The following PBX4 variants were observed in gnomAD, a reference collection of about 807,000 sequenced individuals.
The protein encoded by PBX4 is pre-B-cell leukemia transcription factor 4.
PBX4 carries 26 observed loss-of-function variants against 35.1 expected under a neutral mutation model. The ratio of observed to expected loss-of-function variants is 0.74; its 90% CI spans 0.54 to 1.03. The LOEUF (loss-of-function observed/expected upper bound fraction) is 1.03, where lower values mean the gene tolerates loss of function less well. Ranked by LOEUF, PBX4 falls within the 50% of genes least tolerant of loss-of-function variation. The pLI is 0.00. For synonymous variants in PBX4, 199 were observed against 204.2 expected, an observed-to-expected ratio of 0.97 and a Z score of 0.22; for missense variants, 448 against 504.3, an observed-to-expected ratio of 0.89 and a Z score of 1.07.
At chr19:19,566,505 G>T (rs1268116398) in intron 5 of PBX4, among the ~76,000 whole-genome samples, 1 of 152,106 alleles carries the variant, frequency 6.6e-6, no homozygotes, top group Non-Finnish European at 1.5e-5. Context: ...AACAGCTGAG[G>T]GATGGAAGAG....
intron 2 of PBX4, among the ~76,000 whole-genome samples, chr19:19,577,417 A>G (rs1453480718): frequency 6.6e-6 from 1 of 152,182 alleles, no homozygotes; most frequent in African/African-American, 2.4e-5. Context: ...CAGGAGGCAC[A>G]GTGTTTGTAA....
chr19:19,579,095 A>T (rs2061437781), intron 2 of PBX4, among the ~76,000 whole-genome samples: 2 of 152,170 alleles, frequency 1.3e-5, no homozygotes, highest in African/African-American at 4.8e-5. Context: ...TCATACCTGT[A>T]ATCCCAGCAC....
chr19:19,569,637 C>A (rs1319612872), intron 4 of PBX4, 53 bp from the exon 5 acceptor site: 1 of 1,587,630 alleles, frequency 6.3e-7, no homozygotes, highest in South Asian at 1.1e-5. Flanking sequence ...TCCAGTACCA[C>A]CCCCACCTCT....
chr19:19,607,244 G>C (rs1013803072), intron 1 of PBX4, among the ~76,000 whole-genome samples: 3 of 152,008 alleles, frequency 2.0e-5, no homozygotes, highest in Non-Finnish European at 4.4e-5. Flanking sequence ...AGTAAAGGCG[G>C]GGTTTCATCA....
chr19:19,570,292 C>A lies in PBX4; in HGVS notation c.449G>T (p.Arg150Leu), dbSNP rs1369505191. The change falls in exon 4 of 8, where the codon CGT becomes CTT. Residue 150 changes from arginine to leucine, a missense_variant. Transcript: ENST00000251203. The part of the protein sequence containing the change: ...SELEKYEQAC[R>L]EFTTHVTNLL... Reference sequence around the variant, plus strand: ...GTTGGTGACGTGCGTGGTGAACTCACGACAGGCCTGGGGTGGGAGCACAGA... The same window carrying A: ...GTTGGTGACGTGCGTGGTGAACTCAAGACAGGCCTGGGGTGGGAGCACAGA... 6.2e-7 allele frequency: 1 copy of A among 1,603,886 alleles called. No individual in the cohort carries two copies. Among genetic ancestry groups the A allele is most frequent in the Non-Finnish European group, 8.5e-7 (1 of 1,173,518 alleles).
chr19:19,570,391 C>G, intron 3 of PBX4, 92 bp from the exon 4 acceptor site: 1 of 1,467,818 alleles, frequency 6.8e-7, no homozygotes, highest in Non-Finnish European at 9.2e-7. Flanking sequence ...GCCTGCCACC[C>G]CCTGTAGTTC....
At chr19:19,601,603 T>TG (rs1209804834) in intron 1 of PBX4, among the ~76,000 whole-genome samples, 9 of 152,214 alleles carry the variant, frequency 5.9e-5, no homozygotes, top group Non-Finnish European at 8.8e-5. Flanking sequence ...CCGGATTATC[T>TG]GGGGGGGCCT....
chr19:19,612,218 A>G (rs1211574554), intron 1 of PBX4, among the ~76,000 whole-genome samples: 1 of 152,156 alleles, frequency 6.6e-6, no homozygotes, highest in Non-Finnish European at 1.5e-5. Flanking sequence ...CGAGGGTTGC[A>G]GTGAACTGAG....
chr19:19,571,569 C>A (rs1050297273), intron 2 of PBX4, among the ~76,000 whole-genome samples: 3 of 152,128 alleles, frequency 2.0e-5, no homozygotes, highest in Non-Finnish European at 2.9e-5. Flanking sequence ...AGGTCAGCTA[C>A]AGGGCAGTCA....
chr19:19,563,965 G>A lies in PBX4; in HGVS notation c.926-350C>T, dbSNP rs1390823050. Reference sequence around the variant, plus strand: ...TGGGACTACAGGCGCCCACCACCACGCCCAGATAATTTGTTTTTTCTTTCT... The same window carrying A: ...TGGGACTACAGGCGCCCACCACCACACCCAGATAATTTGTTTTTTCTTTCT... On this transcript the variant is annotated intron_variant, in intron 6 of 7. Transcript: ENST00000251203. This position sits in a 1 kb window ranked among gnomAD's most constrained non-coding sequence, Gnocchi z 5.1. The A allele has an allele frequency of 4.1e-5, 8 of 192,900 alleles. No homozygotes were observed. The highest frequency in any genetic ancestry group is 9.0e-5 in the South Asian group (1 of 11,074). The allele number at this position is 192,900 out of a possible 1,614,324, so 11.9% of individuals were successfully genotyped here.
chr19:19,605,446 T>TAATAATAATAATAATAAC (rs777835008), intron 1 of PBX4, among the ~76,000 whole-genome samples: 21 of 99,976 alleles, frequency 2.1e-4, no homozygotes, highest in Admixed American at 7.5e-4. Flanking sequence ...ATAATAATAA[T>TAATAATAATAATAATAAC]AACAATAATA....
At chr19:19,608,841 T>C (rs1404213553) in intron 1 of PBX4, among the ~76,000 whole-genome samples, 1 of 152,142 alleles carries the variant, frequency 6.6e-6, no homozygotes, top group Non-Finnish European at 1.5e-5. Context: ...CAAGCTCTAG[T>C]CTTGCTGAAG....
At chr19:19,581,652 G>A (rs2061454686) in intron 2 of PBX4, among the ~76,000 whole-genome samples, 1 of 152,158 alleles carries the variant, frequency 6.6e-6, no homozygotes, top group Non-Finnish European at 1.5e-5. Context: ...GGGAGACAAA[G>A]GCCACGCTGC....
chr19:19,565,937 T>C (rs909513971), intron 5 of PBX4, among the ~76,000 whole-genome samples: 2 of 150,898 alleles, frequency 1.3e-5, no homozygotes, highest in African/African-American at 4.9e-5. Flanking sequence ...ATATTTTTTC[T>C]TTTTTTTTAG....
chr19:19,575,928 C>A (rs2144725194), intron 2 of PBX4, among the ~76,000 whole-genome samples: 1 of 152,270 alleles, frequency 6.6e-6, no homozygotes, highest in South Asian at 2.1e-4. Context: ...GCTCTGACAG[C>A]CGGGGTGAGG....
chr19:19,599,394 G>A (rs375344085), intron 1 of PBX4, 29 bp from the exon 2 acceptor site: 34 of 1,580,346 alleles, frequency 2.2e-5, no homozygotes, highest in Non-Finnish European at 3.0e-5. Context: ...AGGAGGGTGT[G>A]AGAAAAGAAT....
In PBX4 at chr19:19,561,849, T is replaced by G. The variant is rs2061307940; in HGVS notation, c.*176A>C. On this transcript the variant is annotated 3_prime_UTR_variant, in exon 8 of 8. Coordinates refer to ENST00000251203, the MANE Select transcript of PBX4 (RefSeq NM_025245.3). ...AGAATGAGTGGCGTTTCAGGCCATC[T>G]CGAGTCGCAGCAGACACATGAGCCG... The G allele has an allele frequency of 6.0e-6, 3 of 504,034 alleles. No homozygotes were observed. The highest frequency in any genetic ancestry group is 4.4e-4 in the Middle Eastern group (1 of 2,290). The allele number at this position is 504,034 out of a possible 1,614,324, so 31.2% of individuals were successfully genotyped here.
intron 1 of PBX4, among the ~76,000 whole-genome samples, chr19:19,604,466 C>CAAAAAAAAAAAAAAAAAA (rs753893364): frequency 8.3e-5 from 6 of 72,090 alleles, no homozygotes; most frequent in East Asian, 7.5e-4. Context: ...GATTCCATCT[C>CAAAAAAAAAAAAAAAAAA]AAAAAAAAAA....
rs2061701570 is a variant in PBX4 at position 19,618,671 on chromosome 19, C to G, written c.-42G>C. 8.4e-7 allele frequency: 1 copy of G among 1,187,560 alleles called. No homozygotes were observed. The highest frequency in any genetic ancestry group is 1.0e-6 in the Non-Finnish European group (1 of 959,492). 73.6% of individuals were successfully genotyped at this position (1,187,560 alleles called of 1,614,324 possible). The stretch of plus-strand genomic sequence containing the variant: ...CGGGCGCTGTGAGGGTGCCGTCGAG[C>G]CTGGAGCACTACCACTGGCGCCGCA... On this transcript the variant is annotated 5_prime_UTR_variant, in exon 1 of 8. Coordinates refer to ENST00000251203, the MANE Select transcript of PBX4 (RefSeq NM_025245.3).
Sources: allele counts gnomAD v4.1 joint callset (sites outside exome capture counted in the v4.1 genomes callset), GRCh38; gene constraint gnomAD v4.1.1; non-coding constraint Gnocchi (gnomAD v3.1); transcripts MANE v1.5; gene names NCBI Gene and HGNC (gene_info 2026-07-23, HGNC 2026-07-21).